STXBP5L: variants seen among roughly 807,000 people sequenced by gnomAD.
STXBP5L encodes syntaxin binding protein 5L, also known as syntaxin-binding protein 5-like.
STXBP5L carries 65 observed loss-of-function variants against 144.5 expected under a neutral mutation model. The observed-to-expected ratio is 0.45, with a 90% CI of 0.37 to 0.55. The LOEUF (loss-of-function observed/expected upper bound fraction) is 0.55, where lower values mean the gene tolerates loss of function less well. STXBP5L is among the 20% of genes least tolerant of loss of function. The pLI, the probability that STXBP5L is intolerant of heterozygous loss-of-function variation, is 0.00. For synonymous variants in STXBP5L, 505 were observed against 469.6 expected, an observed-to-expected ratio of 1.08 and a Z score of -0.97; for missense variants, 1,298 against 1,405.5, an observed-to-expected ratio of 0.92 and a Z score of 1.22.
intron 22 of STXBP5L, among the ~76,000 whole-genome samples, chr3:121,394,829 C>T (rs2046688288): frequency 6.6e-6 from 1 of 151,994 alleles, no homozygotes; most frequent in Admixed American, 6.5e-5. Context: ...TGGTCTTGAT[C>T]TCCTGACCTC....
At chr3:121,355,988 A>C (rs2045497803) in intron 20 of STXBP5L, among the ~76,000 whole-genome samples, 1 of 152,228 alleles carries the variant, frequency 6.6e-6, no homozygotes, top group Non-Finnish European at 1.5e-5. Context: ...GGCCCACTCG[A>C]GACCCTGTTT....
At chr3:121,042,208 A>G (rs774137234) in intron 4 of STXBP5L, among the ~76,000 whole-genome samples, 7 of 152,114 alleles carry the variant, frequency 4.6e-5, no homozygotes, top group Non-Finnish European at 8.8e-5. Context: ...ATCTGCATAT[A>G]TCTCCAAATA....
intron 2 of STXBP5L, among the ~76,000 whole-genome samples, chr3:120,923,456 T>G (rs1277001099): frequency 6.6e-6 from 1 of 152,130 alleles, no homozygotes; most frequent in African/African-American, 2.4e-5. Flanking sequence ...TCTGCTTTTT[T>G]GATCTAGGTG....
chr3:121,121,626 G>T lies in STXBP5L; in HGVS notation c.606-15G>T. On this transcript the variant is annotated splice_polypyrimidine_tract_variant and intron_variant, in intron 6 of 26. Coordinates refer to ENST00000471454, the MANE Select transcript of STXBP5L (RefSeq NM_001308330.2). ...ATGTTTGGTTTTTAATTACTGTTTTGAATTGATTTAACAGATCCACTAAGA... is the reference window on the plus strand; with the variant it reads ...ATGTTTGGTTTTTAATTACTGTTTTTAATTGATTTAACAGATCCACTAAGA... 6.3e-7 allele frequency: 1 copy of T among 1,581,452 alleles called. No individual in the cohort carries two copies. Among genetic ancestry groups the T allele is most frequent in the Non-Finnish European group, 8.6e-7 (1 of 1,156,764 alleles).
chr3:121,013,107 C>T (rs905567979), intron 3 of STXBP5L, among the ~76,000 whole-genome samples: 8 of 151,698 alleles, frequency 5.3e-5, no homozygotes, highest in South Asian at 2.1e-4. Flanking sequence ...TTGATGGGCA[C>T]CTGGGTTGAT....
intron 10 of STXBP5L, among the ~76,000 whole-genome samples, chr3:121,208,160 AG>A (rs1202384476): frequency 2.6e-5 from 4 of 152,210 alleles, no homozygotes; most frequent in African/African-American, 7.2e-5. Context: ...GTCATAAAAA[AG>A]GATGAGTTCA....
At chr3:121,097,914 G>T (rs573648317) in intron 5 of STXBP5L, among the ~76,000 whole-genome samples, 19 of 152,166 alleles carry the variant, frequency 1.2e-4, no homozygotes, top group Admixed American at 9.8e-4. Flanking sequence ...GGTTATAGAG[G>T]GGTTATACTG....
intron 3 of STXBP5L, among the ~76,000 whole-genome samples, chr3:120,992,104 A>G (rs904079468): frequency 6.6e-6 from 1 of 152,156 alleles, no homozygotes. Context: ...TTGGATCACT[A>G]AAGAAAATCT....
intron 2 of STXBP5L, among the ~76,000 whole-genome samples, chr3:120,920,913 T>C (rs1345626002): frequency 1.3e-5 from 2 of 151,988 alleles, no homozygotes; most frequent in Non-Finnish European, 2.9e-5. Flanking sequence ...GTTGATTTTA[T>C]ATTTTGGCTA....
chr3:121,086,917 A>G (rs536296973), intron 5 of STXBP5L, among the ~76,000 whole-genome samples: 1 of 152,162 alleles, frequency 6.6e-6, no homozygotes, highest in African/African-American at 2.4e-5. Context: ...ATTTCTCAGA[A>G]CTTATGCCCA....
chr3:121,080,739 A>T (rs1347387183), intron 5 of STXBP5L, among the ~76,000 whole-genome samples: 1 of 152,186 alleles, frequency 6.6e-6, no homozygotes, highest in Admixed American at 6.6e-5. Flanking sequence ...TTTATAGGTT[A>T]TCTGATGCTT....
In STXBP5L at chr3:121,022,296, A is replaced by G. The variant is rs1437308280; in HGVS notation, c.288-19404A>G. Among the ~76,000 whole-genome samples, 3 of 152,222 alleles carry G rather than the reference A, an allele frequency of 2.0e-5. No homozygotes were observed. In the East Asian group the frequency reaches 5.8e-4, roughly 29 times the overall value. ...AATTGTAATTAAAAAGTTACCAACA[A>G]CAACAAAAAAAGTCCAGGACCAGAT... On this transcript the variant is annotated intron_variant, in intron 3 of 26. Coordinates refer to ENST00000471454, the MANE Select transcript of STXBP5L (RefSeq NM_001308330.2).
chr3:121,419,896 T>A lies in STXBP5L; in HGVS notation c.*799T>A, dbSNP rs957135095. 1 of 152,224 alleles carries A rather than the reference T, an allele frequency of 6.6e-6. No individual in the cohort carries two copies. The highest frequency in any genetic ancestry group is 1.5e-5 in the Non-Finnish European group (1 of 68,044). 9.4% of individuals were successfully genotyped at this position (152,224 alleles called of 1,614,324 possible). On this transcript the variant is annotated 3_prime_UTR_variant, in exon 27 of 27. Coordinates refer to ENST00000471454, the MANE Select transcript of STXBP5L (RefSeq NM_001308330.2). ...CTCAAAGCATTTTCTTCAGCCTGGC[T>A]TGTACTCTATAGGGGAGTTGGTAGT...
At chr3:121,354,739 G>T (rs186080260) in intron 20 of STXBP5L, among the ~76,000 whole-genome samples, 2 of 152,058 alleles carry the variant, frequency 1.3e-5, no homozygotes, top group African/African-American at 4.8e-5. Flanking sequence ...TCATTATGAT[G>T]TTAGCTGGTT....
chr3:120,990,849 A>C (rs1310998885), intron 3 of STXBP5L, among the ~76,000 whole-genome samples: 1 of 152,336 alleles, frequency 6.6e-6, no homozygotes, highest in East Asian at 1.9e-4. Context: ...TTAAAGACTT[A>C]AATGTTAGAC....
chr3:121,227,509 G>C (rs2049158036), intron 11 of STXBP5L, among the ~76,000 whole-genome samples: 1 of 152,174 alleles, frequency 6.6e-6, no homozygotes, highest in African/African-American at 2.4e-5. Flanking sequence ...TTGAGCCCAG[G>C]AGATGGAAGC....
At chr3:121,010,198 C>G (rs1944666766) in intron 3 of STXBP5L, among the ~76,000 whole-genome samples, 1 of 151,674 alleles carries the variant, frequency 6.6e-6, no homozygotes, top group South Asian at 2.1e-4. Flanking sequence ...TCGAGTCTTC[C>G]CCTTTCAGCA....
At chr3:121,404,432 T>G (rs1402886730) in intron 22 of STXBP5L, among the ~76,000 whole-genome samples, 1 of 152,138 alleles carries the variant, frequency 6.6e-6, no homozygotes, top group Non-Finnish European at 1.5e-5. Flanking sequence ...TTGGTTCCCT[T>G]TAGGATACAC....
chr3:121,161,702 G>T (rs2046328019), intron 9 of STXBP5L, among the ~76,000 whole-genome samples: 1 of 151,812 alleles, frequency 6.6e-6, no homozygotes, highest in Non-Finnish European at 1.5e-5. Flanking sequence ...TGTATTTATG[G>T]TTTCAAATGT....
Sources: gnomAD v4.1 joint callset for allele counts (sites outside exome capture counted in the v4.1 genomes callset) on GRCh38, gnomAD v4.1.1 for gene constraint, MANE v1.5 for transcripts, NCBI Gene and HGNC (gene_info 2026-07-23, HGNC 2026-07-21) for gene names.